Variants in NLRP7 observed in about 807,000 individuals in gnomAD.
The protein encoded by NLRP7 is NACHT, LRR and PYD domains-containing protein 7.
Under a neutral mutation model 85.5 loss-of-function variants are expected in NLRP7, and 72 were observed. That is an observed-to-expected ratio of 0.84 (90% confidence interval 0.70 to 1.02). The LOEUF is 1.02. Among genes scored for constraint, NLRP7 ranks in the 50% least tolerant of loss-of-function variants. NLRP7 has a pLI of 0.00. For synonymous variants in NLRP7, 550 were observed against 505.2 expected, an observed-to-expected ratio of 1.09 and a Z score of -1.19; for missense variants, 1,243 against 1,219.5, an observed-to-expected ratio of 1.02 and a Z score of -0.29.
rs560191827 is a variant in NLRP7 at position 54,937,204 on chromosome 19, C to A, written c.2130-773G>T. The stretch of plus-strand genomic sequence containing the variant: ...CTGCACTCCAGCCTGGGGAACATAG[C>A]GAGACTGTCTCAAAAAAAAAAAAAA... On this transcript the variant is annotated intron_variant, in intron 5 of 9. Coordinates refer to ENST00000340844, the Ensembl canonical transcript of NLRP7. Among the ~76,000 whole-genome samples, 41 of 143,692 alleles carry A rather than the reference C, an allele frequency of 2.9e-4. No individual in the cohort carries two copies. In the South Asian group the frequency reaches 8.5e-3, roughly 30 times the overall value. The allele number at this position is 143,692 out of a possible 152,430, so 94.3% of individuals were successfully genotyped here.
At position 54,962,541 on chromosome 19, in the gene NLRP7, G is replaced by T. The variant is rs532785252; in HGVS notation, c.-77+3499C>A. The stretch of plus-strand genomic sequence containing the variant: ...CCGCCTCGGCCTCCCAAAGTGCTGG[G>T]ATTACAGGCATGAATCACCACGCCC... On this transcript the variant is annotated intron_variant, in intron 1 of 2. Transcript: ENST00000587103. Among the ~76,000 whole-genome samples the T allele has an allele frequency of 2.0e-3, 296 of 151,686 alleles. 2 individuals carry two copies. Among genetic ancestry groups the T allele is most frequent in the Non-Finnish European group, 3.2e-3 (220 of 67,832 alleles).
exon 4 of NLRP7, chr19:54,939,659 C>T: frequency 6.2e-7 from 1 of 1,612,354 alleles, no homozygotes; most frequent in Non-Finnish European, 8.5e-7. Flanking sequence ...GCGGGTGAGG[C>T]AGGTGGGGAC....
At chr19:54,965,914 AAAAAT>A (rs1352256889) in intron 1 of NLRP7, 2 of 93,328 alleles carry the variant, frequency 2.1e-5, no homozygotes. Context: ...AGACTCCATT[AAAAAT>A]AAAATAATAA....
upstream of NLRP7, chr19:54,947,843 A>AT (rs2069541997): frequency 1.8e-5 from 5 of 279,652 alleles, no homozygotes; most frequent in South Asian, 1.6e-4. Context: ...TCCCAGCTTT[A>AT]AAAACTCTTG....
intron 9 of NLRP7, among the ~76,000 whole-genome samples, chr19:54,927,196 C>T (rs994369411): frequency 6.6e-6 from 1 of 151,928 alleles, no homozygotes; most frequent in Non-Finnish European, 1.5e-5. Context: ...CAAGACTAGC[C>T]TGGCCAACAT....
At chr19:54,937,125 G>A (rs1216748851) in intron 5 of NLRP7, among the ~76,000 whole-genome samples, 1 of 151,712 alleles carries the variant, frequency 6.6e-6, no homozygotes, top group Non-Finnish European at 1.5e-5. Flanking sequence ...GGCTGAGGCA[G>A]GAGAATGGCA....
At chr19:54,936,149 A>ACATT in intron 6 of NLRP7, 112 bp downstream of exon 6, 9 of 916,778 alleles carry the variant, frequency 9.8e-6, no homozygotes, top group Non-Finnish European at 1.6e-5. Context: ...TTTGAGGAAT[A>ACATT]CATTCCCTGT....
chr19:54,961,339 C>A (rs1335098543), intron 1 of NLRP7, among the ~76,000 whole-genome samples: 2 of 151,740 alleles, frequency 1.3e-5, no homozygotes, highest in African/African-American at 4.8e-5. Flanking sequence ...GGTGAAACCC[C>A]GTGTCTACTA....
intron 6 of NLRP7, among the ~76,000 whole-genome samples, chr19:54,935,165 A>T (rs1209971919): frequency 6.6e-6 from 1 of 151,996 alleles, no homozygotes; most frequent in Non-Finnish European, 1.5e-5. Context: ...TCTCCAAGAG[A>T]TTGTAATACA....
At position 54,941,470 on chromosome 19, in the gene NLRP7, G is replaced by A. The variant is rs771017377; in HGVS notation, c.242C>T (p.Thr81Met). ...AGCCTTTGCCATCTTACACAATTCC[G>A]TGAGATTCATCTCTTCCAAGATGTT... The change falls in exon 2 of 10, where the codon ACG becomes ATG. Residue 81 changes from threonine to methionine, a missense_variant. Thr to Met is a moderately conservative substitution (Grantham distance 81). This residue lies in a region of NLRP7 where 591 missense variants were observed against 563.3 expected (regional missense o/e 1.05). Coordinates refer to ENST00000340844, the Ensembl canonical transcript of NLRP7. The A allele has an allele frequency of 2.1e-5, 34 of 1,611,482 alleles. No individual in the cohort carries two copies. Among genetic ancestry groups the A allele is most frequent in the Admixed American group, 6.7e-5 (4 of 59,640 alleles).
At chr19:54,947,867 T>A (rs2069543228), upstream of NLRP7, 3 of 235,614 alleles carry the variant, frequency 1.3e-5, no homozygotes, top group Non-Finnish European at 2.6e-5. Context: ...AGAAAAAAAA[T>A]TAAACAAAAA....
At chr19:54,937,832 G>A (rs938776963) in intron 5 of NLRP7, among the ~76,000 whole-genome samples, 4 of 146,402 alleles carry the variant, frequency 2.7e-5, no homozygotes, top group Non-Finnish European at 5.9e-5. Flanking sequence ...GGGAGGTGGA[G>A]GATGCAGTGA....
intron 1 of NLRP7, among the ~76,000 whole-genome samples, chr19:54,952,897 G>A (rs2069716946): frequency 6.6e-6 from 1 of 152,006 alleles, no homozygotes; most frequent in African/African-American, 2.4e-5. Flanking sequence ...CAGCACTTTG[G>A]GAGGCCGAGG....
chr19:54,948,785 G>A (rs1244285642), upstream of NLRP7: 1 of 152,110 alleles, frequency 6.6e-6, no homozygotes, highest in African/African-American at 2.4e-5. Flanking sequence ...TGGTCAGGCT[G>A]GTCTCAAACT....
At chr19:54,932,759 G>A (rs2054087) in intron 8 of NLRP7, among the ~76,000 whole-genome samples, 12,769 of 151,584 alleles carry the variant, frequency 0.084, 927 homozygotes, top group East Asian at 0.36. Flanking sequence ...AGATTCAAGC[G>A]ATTCTCCTAC....
chr19:54,947,714 G>A (rs1225341047), upstream of NLRP7: 10 of 1,165,212 alleles, frequency 8.6e-6, no homozygotes, highest in African/African-American at 8.2e-5. Context: ...GGAGAATTAC[G>A]GCTTGCTGAA....
At position 54,936,400 on chromosome 19, in the gene NLRP7, G is replaced by A. The variant is rs104895525; in HGVS notation, c.2161C>T (p.Arg721Trp). 2.2e-5 allele frequency: 36 copies of A among 1,614,004 alleles called. No homozygotes were observed. The highest frequency in any genetic ancestry group is 4.5e-5 in the East Asian group (2 of 44,894). ...CCAATGAAAGCAAGACAGAAGTCCC[G>A]GTACGCGGTGTCAGGGGTGACGTTT... The change falls in exon 6 of 10, where the codon CGG (arginine) becomes TGG (tryptophan). Residue 721 changes from arginine to tryptophan, a missense_variant. Around this residue, in one of 3 missense-constraint regions of NLRP7, gnomAD observed 613 missense variants for 588.4 expected, o/e 1.04. Coordinates refer to ENST00000340844, the Ensembl canonical transcript of NLRP7.
chr19:54,941,503 G>T, exon 2 of NLRP7: 3 of 1,613,264 alleles, frequency 1.9e-6, no homozygotes, highest in South Asian at 2.2e-5. Flanking sequence ...GTTCACAGTC[G>T]CATTCCTTAT....
At chr19:54,928,120 T>C (rs756558200) in intron 9 of NLRP7, among the ~76,000 whole-genome samples, 5 of 152,104 alleles carry the variant, frequency 3.3e-5, no homozygotes, top group Admixed American at 2.6e-4. Flanking sequence ...CTTGGGAGGC[T>C]GAGGCACAAG....
Sources: allele counts gnomAD v4.1 joint callset (sites outside exome capture counted in the v4.1 genomes callset), GRCh38; gene constraint gnomAD v4.1.1; regional missense constraint gnomAD v4.1.1; transcripts MANE v1.5; gene names NCBI Gene and HGNC (gene_info 2026-07-23, HGNC 2026-07-21).